Variants in SLC4A10 observed in about 807,000 individuals in gnomAD.
SLC4A10 encodes solute carrier family 4 member 10.
A neutral mutation model predicts 137.7 loss-of-function variants in SLC4A10; 42 were observed. The observed-to-expected ratio is 0.30, with a 90% confidence interval of 0.24 to 0.39. SLC4A10 has a LOEUF of 0.39. Among genes scored for constraint, SLC4A10 ranks in the 10% least tolerant of loss-of-function variants. SLC4A10 has a pLI of 1.00. For synonymous variants in SLC4A10, 474 were observed against 464.1 expected, an observed-to-expected ratio of 1.02 and a Z score of -0.27; for missense variants, 925 against 1,355.0, an observed-to-expected ratio of 0.68 and a Z score of 4.98.
At chr2:161,653,858 C>CA in intron 1 of SLC4A10, among the ~76,000 whole-genome samples, 1 of 152,308 alleles carries the variant, frequency 6.6e-6, no homozygotes, top group East Asian at 1.9e-4. Context: ...TATGGGAATG[C>CA]AGGCATGTAG....
rs1463159646 is a variant in SLC4A10 at position 161,974,267 on chromosome 2, G to A, written c.3178G>A (p.Ala1060Thr). The A allele has an allele frequency of 1.9e-6, 3 of 1,607,724 alleles. No homozygotes were observed. In the Admixed American group the frequency reaches 5.1e-5, roughly 27 times the overall value. ...AEKEEEQSML[A>T]MEDEGTVQLP... ...TTTTCAGGAAGAACAAAGTATGCTA[G>A]CTATGGAAGATGAGGGCACAGTACA... The change falls in exon 24 of 27, where the codon GCT becomes ACT. Residue 1060 changes from alanine to threonine, a missense_variant. Around this residue, in one of 11 missense-constraint regions of SLC4A10, gnomAD observed 84 missense variants for 76.9 expected, o/e 1.09. Transcript: ENST00000446997.
At chr2:161,944,581 G>A (rs917255675) in intron 16 of SLC4A10, among the ~76,000 whole-genome samples, 110 of 151,474 alleles carry the variant, frequency 7.3e-4, no homozygotes, top group Non-Finnish European at 2.8e-4. Flanking sequence ...GCATTGTGGG[G>A]TTGTTGGTTT....
intron 1 of SLC4A10, among the ~76,000 whole-genome samples, chr2:161,681,920 A>G (rs2124824447): frequency 6.6e-6 from 1 of 152,088 alleles, no homozygotes; most frequent in East Asian, 1.9e-4. Context: ...CCTTGAGCTG[A>G]TATTTCTATT....
chr2:161,745,764 G>T (rs2048327403), intron 1 of SLC4A10, among the ~76,000 whole-genome samples: 1 of 152,208 alleles, frequency 6.6e-6, no homozygotes, highest in Admixed American at 6.5e-5. Context: ...GTCTGCAATT[G>T]CTGTAGCCAT....
intron 15 of SLC4A10, among the ~76,000 whole-genome samples, chr2:161,907,369 T>C (rs1285568597): frequency 6.6e-6 from 1 of 152,214 alleles, no homozygotes; most frequent in Non-Finnish European, 1.5e-5. Context: ...CATTTATCCT[T>C]ACCTGAAAGA....
In SLC4A10 at chr2:161,983,658, T is replaced by C. The variant is rs558084387; in HGVS notation, c.*506T>C. 1 of 154,788 alleles carries C rather than the reference T, an allele frequency of 6.5e-6. No individual in the cohort carries two copies. Among genetic ancestry groups the C allele is most frequent in the African/African-American group, 2.4e-5 (1 of 41,592 alleles). The allele number at this position is 154,788 out of a possible 1,614,324, so 9.6% of individuals were successfully genotyped here. ...TCTTTTTAGTTTTTATAGCTTAGCATTAGTGACTTATTTCAAAAGACCCAA... is the reference window on the plus strand; with the variant it reads ...TCTTTTTAGTTTTTATAGCTTAGCACTAGTGACTTATTTCAAAAGACCCAA... On this transcript the variant is annotated 3_prime_UTR_variant, in exon 27 of 27. Transcript: ENST00000446997.
At chr2:161,981,221 G>T (rs182166155) in intron 26 of SLC4A10, among the ~76,000 whole-genome samples, 6 of 152,336 alleles carry the variant, frequency 3.9e-5, no homozygotes, top group Non-Finnish European at 7.3e-5. Flanking sequence ...TTATCAAAAG[G>T]TTATGGAACA....
chr2:161,834,503 T>C (rs1338655628), intron 3 of SLC4A10, among the ~76,000 whole-genome samples: 1 of 152,168 alleles, frequency 6.6e-6, no homozygotes, highest in Admixed American at 6.5e-5. Flanking sequence ...GAAAAGTCCT[T>C]GGTGTGAGTC....
At chr2:161,883,799 T>C (rs1160901337) in intron 10 of SLC4A10, among the ~76,000 whole-genome samples, 2 of 152,190 alleles carry the variant, frequency 1.3e-5, no homozygotes, top group Non-Finnish European at 2.9e-5. Context: ...TGTGTCTTCT[T>C]ATTTTCTGTT....
chr2:161,695,884 C>T (rs1242474509), intron 1 of SLC4A10, among the ~76,000 whole-genome samples: 5 of 152,122 alleles, frequency 3.3e-5, no homozygotes, highest in African/African-American at 1.2e-4. Flanking sequence ...GGCTACCTGA[C>T]AATTATTTAT....
intron 5 of SLC4A10, among the ~76,000 whole-genome samples, chr2:161,860,382 G>T (rs527941651): frequency 1.3e-5 from 2 of 152,224 alleles, no homozygotes; most frequent in African/African-American, 2.4e-5. Context: ...ATAAACATAT[G>T]TAGGGTTTAT....
intron 23 of SLC4A10, among the ~76,000 whole-genome samples, chr2:161,973,150 T>C (rs1281094147): frequency 6.6e-6 from 1 of 152,184 alleles, no homozygotes; most frequent in Admixed American, 6.5e-5. Context: ...CTTTTTTCTT[T>C]CATCAGTTTC....
chr2:161,830,657 T>A (rs2058377701), intron 3 of SLC4A10, among the ~76,000 whole-genome samples: 1 of 152,052 alleles, frequency 6.6e-6, no homozygotes, highest in South Asian at 2.1e-4. Flanking sequence ...AGATAAAATT[T>A]TAAAAAAAAG....
chr2:161,787,201 A>G (rs1037670861), intron 2 of SLC4A10, among the ~76,000 whole-genome samples: 1 of 152,060 alleles, frequency 6.6e-6, no homozygotes, highest in Admixed American at 6.6e-5. Context: ...AGGATATACA[A>G]TTTGGGGCTA....
chr2:161,706,862 T>C (rs900498066), intron 1 of SLC4A10, among the ~76,000 whole-genome samples: 5 of 151,632 alleles, frequency 3.3e-5, no homozygotes, highest in African/African-American at 4.8e-5. Context: ...GATGCCTTGC[T>C]ACGGCTTTCA....
At chr2:161,807,502 G>C (rs1449634) in intron 3 of SLC4A10, among the ~76,000 whole-genome samples, 121,092 of 152,024 alleles carry the variant, frequency 0.8, 49,147 homozygotes, top group East Asian at 0.99. Flanking sequence ...TTATCTTTCT[G>C]TCTGACCACA....
chr2:161,882,196 T>C (rs1271103469), intron 9 of SLC4A10, among the ~76,000 whole-genome samples, 161 bp from the exon 10 acceptor site: 1 of 151,670 alleles, frequency 6.6e-6, no homozygotes, highest in Non-Finnish European at 1.5e-5. Flanking sequence ...GGGTCAATCA[T>C]GGTAAAATTT....
chr2:161,907,838 A>G (rs1684813658), intron 15 of SLC4A10, among the ~76,000 whole-genome samples: 1 of 152,242 alleles, frequency 6.6e-6, no homozygotes, highest in Admixed American at 6.5e-5. Context: ...TTTATTACTG[A>G]TATAATTTTC....
chr2:161,944,801 T>C (rs935293150), intron 16 of SLC4A10, among the ~76,000 whole-genome samples: 1 of 151,712 alleles, frequency 6.6e-6, no homozygotes, highest in African/African-American at 2.4e-5. Flanking sequence ...CATTAAAATT[T>C]TTGTCTAATT....
Sources: gnomAD v4.1 joint callset for allele counts (sites outside exome capture counted in the v4.1 genomes callset) on GRCh38, gnomAD v4.1.1 for gene constraint, gnomAD v4.1.1 regional missense constraint, MANE v1.5 for transcripts, NCBI Gene and HGNC (gene_info 2026-07-23, HGNC 2026-07-21) for gene names.